STARD13: variants seen among roughly 807,000 people sequenced by gnomAD.
STARD13 encodes StAR related lipid transfer domain containing 13.
STARD13 carries 62 observed loss-of-function variants against 106.4 expected under a neutral mutation model. That is an observed-to-expected ratio of 0.58 (90% CI 0.48 to 0.72). The LOEUF (loss-of-function observed/expected upper bound fraction) is 0.72, where lower values mean the gene tolerates loss of function less well. Among genes scored for constraint, STARD13 ranks in the 30% least tolerant of loss-of-function variants. The pLI is 0.00. For missense variants in STARD13, 1,387 were observed against 1,424.0 expected (o/e 0.97, Z 0.42); for synonymous variants, 565 against 553.0 (o/e 1.02, Z -0.31).
chr13:33,462,370 A>G, the STARD13 span, among the ~76,000 whole-genome samples: 1 of 152,224 alleles, frequency 6.6e-6, no homozygotes, highest in African/African-American at 2.4e-5. Context: ...ATTAGTCTGC[A>G]TGCTGCTTTT....
At chr13:33,214,740 C>A (rs1188510636) in intron 1 of STARD13, among the ~76,000 whole-genome samples, 1 of 142,808 alleles carries the variant, frequency 7.0e-6, no homozygotes, top group East Asian at 2.1e-4. Flanking sequence ...ACACACACAT[C>A]CCCTGCAATG....
At chr13:33,140,295 A>G (rs1475233595) in intron 4 of STARD13, among the ~76,000 whole-genome samples, 2 of 152,234 alleles carry the variant, frequency 1.3e-5, no homozygotes, top group East Asian at 1.9e-4. Context: ...AGGCAGCTGT[A>G]TAGACCAGCC....
intron 1 of STARD13, among the ~76,000 whole-genome samples, chr13:33,210,313 C>A (rs1199734065): frequency 6.6e-6 from 1 of 152,126 alleles, no homozygotes; most frequent in African/African-American, 2.4e-5. Context: ...TATTTCACAG[C>A]CAGTGAGGGC....
At chr13:33,663,879 G>A in the STARD13 span, among the ~76,000 whole-genome samples, 1 of 152,114 alleles carries the variant, frequency 6.6e-6, no homozygotes, top group Non-Finnish European at 1.5e-5. Context: ...TTCAGCTTCC[G>A]CCTTACTTGC....
At chr13:33,338,761 G>A (rs537310343) in intron 1 of STARD13, among the ~76,000 whole-genome samples, 2 of 151,986 alleles carry the variant, frequency 1.3e-5, no homozygotes, top group South Asian at 4.2e-4. Flanking sequence ...GCATGTGCCT[G>A]TAGTCCCAGC....
At chr13:33,232,075 G>A (rs1888953565) in intron 1 of STARD13, among the ~76,000 whole-genome samples, 1 of 152,200 alleles carries the variant, frequency 6.6e-6, no homozygotes, top group African/African-American at 2.4e-5. Context: ...CACTTTGGGA[G>A]GCCAAGATGG....
chr13:33,194,012 T>C (rs1886437658), intron 1 of STARD13, among the ~76,000 whole-genome samples: 1 of 152,204 alleles, frequency 6.6e-6, no homozygotes, highest in Non-Finnish European at 1.5e-5. Flanking sequence ...AGGTTGTTTT[T>C]TTCCTGTTAC....
At chr13:33,415,134 C>T in the STARD13 span, among the ~76,000 whole-genome samples, 7 of 152,222 alleles carry the variant, frequency 4.6e-5, no homozygotes, top group Admixed American at 3.9e-4. Context: ...TTTGGGAGGC[C>T]GAGGCGGGCG....
At chr13:33,340,074 G>T (rs1268737029) in intron 1 of STARD13, among the ~76,000 whole-genome samples, 1 of 152,178 alleles carries the variant, frequency 6.6e-6, no homozygotes, top group Non-Finnish European at 1.5e-5. Context: ...TGCCATCTTT[G>T]TAGTGTCATT....
the STARD13 span, among the ~76,000 whole-genome samples, chr13:33,386,206 G>C: frequency 1.2e-4 from 19 of 152,196 alleles, no homozygotes; most frequent in South Asian, 3.7e-3. Flanking sequence ...GGTCACATTT[G>C]GTCCTAAGGA....
chr13:33,643,258 G>A, the STARD13 span, among the ~76,000 whole-genome samples: 2 of 151,992 alleles, frequency 1.3e-5, no homozygotes, highest in South Asian at 2.1e-4. Context: ...TCCTCCTGCA[G>A]AAATCTTCAG....
the STARD13 span, among the ~76,000 whole-genome samples, chr13:33,572,818 A>G: frequency 1.9e-4 from 29 of 152,314 alleles, no homozygotes; most frequent in East Asian, 5.6e-3. Context: ...TATATTAGGT[A>G]TCATAAATAA....
the STARD13 span, among the ~76,000 whole-genome samples, chr13:33,427,951 G>T: frequency 3.3e-5 from 4 of 120,262 alleles, no homozygotes; most frequent in Non-Finnish European, 6.5e-5. Flanking sequence ...GCGAAACTCC[G>T]TCTCAAAAAA....
intron 1 of STARD13, among the ~76,000 whole-genome samples, chr13:33,176,550 A>C (rs990592095): frequency 1.3e-5 from 2 of 152,212 alleles, no homozygotes; most frequent in African/African-American, 4.8e-5. Context: ...CTGCTCTCTA[A>C]GGGATTTTTA....
At chr13:33,219,319 C>T (rs1888212042) in intron 1 of STARD13, among the ~76,000 whole-genome samples, 1 of 151,904 alleles carries the variant, frequency 6.6e-6, no homozygotes, top group African/African-American at 2.4e-5. Context: ...TGCTCCTCTG[C>T]TTGACCATCT....
the STARD13 span, among the ~76,000 whole-genome samples, chr13:33,465,558 T>C: frequency 4.6e-5 from 7 of 152,156 alleles, no homozygotes; most frequent in Non-Finnish European, 8.8e-5. Context: ...CATCAGATAA[T>C]GTTCCTCCCC....
chr13:33,212,571 A>T (rs1887786661), intron 1 of STARD13, among the ~76,000 whole-genome samples: 1 of 152,190 alleles, frequency 6.6e-6, no homozygotes, highest in Non-Finnish European at 1.5e-5. Flanking sequence ...GATGTGCATG[A>T]GGAGGACTCT....
intron 1 of STARD13, among the ~76,000 whole-genome samples, chr13:33,215,130 G>GA (rs1887964697): frequency 1.0e-5 from 1 of 100,026 alleles, no homozygotes; most frequent in South Asian, 4.1e-4. Context: ...GGGGGGGGGG[G>GA]TGGGGGGAAA....
the STARD13 span, among the ~76,000 whole-genome samples, chr13:33,581,670 A>AT: frequency 1.3e-5 from 2 of 152,188 alleles, no homozygotes; most frequent in African/African-American, 2.4e-5. Context: ...AGGAATTATT[A>AT]TTTTTTGTGT....
Sources: allele counts gnomAD v4.1 joint callset (sites outside exome capture counted in the v4.1 genomes callset), GRCh38; gene constraint gnomAD v4.1.1; transcripts MANE v1.5; gene names NCBI Gene and HGNC (gene_info 2026-07-23, HGNC 2026-07-21).